CACNA1C: variants seen among roughly 807,000 people sequenced by gnomAD.
The protein encoded by CACNA1C is voltage-dependent L-type calcium channel subunit alpha-1C.
Under a neutral mutation model 229.0 loss-of-function variants are expected in CACNA1C, and 30 were observed. That is an observed-to-expected ratio of 0.13 (90% confidence interval 0.10 to 0.18). The LOEUF (loss-of-function observed/expected upper bound fraction) is 0.18. CACNA1C is among the 10% of genes least tolerant of loss of function. CACNA1C has a pLI of 1.00. For missense variants in CACNA1C, 1,658 were observed against 2,845.0 expected (o/e 0.58, Z 9.49); for synonymous variants, 1,114 against 1,132.5 (o/e 0.98, Z 0.33).
intron 3 of CACNA1C, among the ~76,000 whole-genome samples, chr12:2,371,419 C>T (rs1254039815): frequency 1.3e-5 from 2 of 152,112 alleles, no homozygotes; most frequent in East Asian, 3.9e-4. Flanking sequence ...ACTCCTTTGG[C>T]CATTGGTTTT....
intron 1 of CACNA1C, among the ~76,000 whole-genome samples, chr12:2,045,353 C>A (rs142592079): frequency 6.6e-5 from 10 of 152,220 alleles, no homozygotes; most frequent in Admixed American, 2.0e-4. Flanking sequence ...TTTGAACTGG[C>A]CTGGAACAGT....
intron 13 of CACNA1C, among the ~76,000 whole-genome samples, chr12:2,572,906 T>TCTCCTCCTCCTCTTCCTCCTCCTC (rs1568506327): frequency 7.7e-5 from 6 of 78,120 alleles, no homozygotes; most frequent in Non-Finnish European, 1.3e-4. Flanking sequence ...TCTTCCTCCT[T>TCTCCTCCTCCTCTTCCTCCTCCTC]CTCCTCCTCC....
intron 3 of CACNA1C, among the ~76,000 whole-genome samples, chr12:2,356,436 G>T (rs2097365069): frequency 6.6e-6 from 1 of 152,248 alleles, no homozygotes; most frequent in South Asian, 2.1e-4. Flanking sequence ...GAGCTCCTCA[G>T]TGTTCTCACA....
intron 7 of CACNA1C, among the ~76,000 whole-genome samples, chr12:2,499,022 GT>G (rs1397011317): frequency 1.3e-5 from 2 of 152,130 alleles, no homozygotes; most frequent in Non-Finnish European, 2.9e-5. Context: ...CTTCCCCCAT[GT>G]AAACTAAGCT....
chr12:2,162,533 A>G (rs1054495629), intron 3 of CACNA1C, among the ~76,000 whole-genome samples: 11 of 152,064 alleles, frequency 7.2e-5, no homozygotes, highest in Non-Finnish European at 1.6e-4. Flanking sequence ...GAGGCACAGT[A>G]AGCCTGCCCA....
chr12:2,004,018 G>A (rs1278148147), intron 1 of CACNA1C, among the ~76,000 whole-genome samples: 1 of 151,924 alleles, frequency 6.6e-6, no homozygotes, highest in Non-Finnish European at 1.5e-5. Context: ...TTATGGTGCC[G>A]TACCCGATCG....
chr12:2,291,472 G>T (rs1454585339), intron 3 of CACNA1C, among the ~76,000 whole-genome samples: 2 of 152,224 alleles, frequency 1.3e-5, no homozygotes, highest in African/African-American at 4.8e-5. Flanking sequence ...GGAAAGGAAG[G>T]TAACTAGTAG....
At chr12:2,638,358 A>G (rs2093154601) in intron 30 of CACNA1C, among the ~76,000 whole-genome samples, 1 of 152,070 alleles carries the variant, frequency 6.6e-6, no homozygotes, top group Admixed American at 6.6e-5. Context: ...TCGGGAGAAG[A>G]GGTAGCAGGG....
At chr12:2,301,469 G>C (rs2094554790) in intron 3 of CACNA1C, among the ~76,000 whole-genome samples, 1 of 152,134 alleles carries the variant, frequency 6.6e-6, no homozygotes, top group Non-Finnish European at 1.5e-5. Context: ...GTGAAAATGA[G>C]CAAGGTTCTG....
At chr12:2,557,125 C>G (rs1261734679) in intron 11 of CACNA1C, 148 bp downstream of exon 11, 7 of 644,724 alleles carry the variant, frequency 1.1e-5, no homozygotes, top group Admixed American at 8.1e-5. Context: ...GTATGGCCAT[C>G]AAGAAAAAGC....
intron 9 of CACNA1C, among the ~76,000 whole-genome samples, chr12:2,514,906 C>T (rs1433542446): frequency 6.6e-6 from 1 of 152,192 alleles, no homozygotes; most frequent in African/African-American, 2.4e-5. Flanking sequence ...TGGAGCAGAT[C>T]ACACTGACAA....
intron 1 of CACNA1C, among the ~76,000 whole-genome samples, chr12:1,994,160 C>T (rs556575100): frequency 6.6e-6 from 1 of 152,350 alleles, no homozygotes; most frequent in African/African-American, 2.4e-5. Flanking sequence ...CATGTGCATT[C>T]ATCTACCCTT....
intron 3 of CACNA1C, among the ~76,000 whole-genome samples, chr12:2,209,494 G>T (rs2154335962): frequency 6.6e-6 from 1 of 152,324 alleles, no homozygotes; most frequent in South Asian, 2.1e-4. Context: ...CTGCTCTGTA[G>T]CTGGGGTGCT....
At chr12:2,269,663 A>G (rs1448342553) in intron 3 of CACNA1C, 2 of 152,200 alleles carry the variant, frequency 1.3e-5, no homozygotes, top group East Asian at 3.9e-4. Context: ...CCGAGTGTTC[A>G]GTTGGCATCA....
chr12:2,540,115 G>T (rs1033671014), intron 9 of CACNA1C, among the ~76,000 whole-genome samples: 7 of 152,264 alleles, frequency 4.6e-5, no homozygotes, highest in African/African-American at 1.7e-4. Flanking sequence ...TCTCTCCTCG[G>T]GTCCACCCAC....
intron 3 of CACNA1C, among the ~76,000 whole-genome samples, chr12:2,143,019 A>G (rs560884674): frequency 5.3e-5 from 8 of 150,706 alleles, no homozygotes; most frequent in Non-Finnish European, 8.9e-5. Flanking sequence ...TCTGTTGCCC[A>G]GGCTGGAGTG....
At chr12:1,986,497 G>A (rs188479963) in intron 1 of CACNA1C, among the ~76,000 whole-genome samples, 10 of 152,330 alleles carry the variant, frequency 6.6e-5, no homozygotes, top group African/African-American at 2.2e-4. Context: ...CAGGGGCAGA[G>A]ACAGGGTCTT....
At chr12:2,129,139 G>GA (rs1377996620) in intron 3 of CACNA1C, among the ~76,000 whole-genome samples, 1 of 152,200 alleles carries the variant, frequency 6.6e-6, no homozygotes, top group African/African-American at 2.4e-5. Context: ...GCTGCTCTGT[G>GA]TTGCCCCAAG....
chr12:2,364,891 T>A (rs1816597286), intron 3 of CACNA1C, among the ~76,000 whole-genome samples: 1 of 151,756 alleles, frequency 6.6e-6, no homozygotes, highest in South Asian at 2.1e-4. Context: ...TCAAGAAGAG[T>A]AGAACAAGCA....
Sources: allele counts gnomAD v4.1 joint callset (sites outside exome capture counted in the v4.1 genomes callset), GRCh38; gene constraint gnomAD v4.1.1; transcripts MANE v1.5; gene names NCBI Gene and HGNC (gene_info 2026-07-23, HGNC 2026-07-21).